FIS1: variants seen among roughly 807,000 people sequenced by gnomAD.
FIS1 encodes mitochondrial fission 1 protein.
A neutral mutation model predicts 21.6 loss-of-function variants in FIS1; 16 were observed. The observed-to-expected ratio is 0.74, with a 90% CI of 0.50 to 1.12. The LOEUF is 1.12. FIS1 is among the 50% of genes most tolerant of loss of function. The pLI, the probability that FIS1 is intolerant of heterozygous loss-of-function variation, is 0.00. For missense variants in FIS1, 198 were observed against 190.9 expected, an observed-to-expected ratio of 1.04 and a Z score of -0.22; for synonymous variants, 92 against 82.2, an observed-to-expected ratio of 1.12 and a Z score of -0.65.
chr7:101,244,179 G>C, intron 1 of FIS1, 40 bp from the exon 2 acceptor site: 1 of 1,597,720 alleles, frequency 6.3e-7, no homozygotes. Flanking sequence ...GAAATGTAGG[G>C]CGTCAACCAT....
intron 1 of FIS1, 176 bp downstream of exon 1, chr7:101,244,784 C>T: frequency 1.4e-6 from 1 of 707,940 alleles, no homozygotes; most frequent in Non-Finnish European, 2.4e-6. Context: ...TCCCAGGAGC[C>T]TCTGCGGCAT....
Position 101,239,588 on chromosome 7 carries a change from C to T in FIS1, c.*218G>A. 1 of 620,942 alleles carries T rather than the reference C, an allele frequency of 1.6e-6. No homozygotes were observed. Among genetic ancestry groups the T allele is most frequent in the Non-Finnish European group, 3.0e-6 (1 of 337,188 alleles). The allele number at this position is 620,942 out of a possible 1,614,324, so 38.5% of individuals were successfully genotyped here. ...TGTGCCCAGCGTTCAGAACCCACCC[C>T]TCCCCTCAACGCAGACACGGGGGTT... is the stretch of plus-strand genomic sequence containing the variant. On this transcript the variant is annotated 3_prime_UTR_variant, in exon 5 of 5. Coordinates refer to ENST00000223136, the MANE Select transcript of FIS1 (RefSeq NM_016068.3).
At chr7:101,240,282 C>T (rs199691849) in intron 3 of FIS1, 35 bp from the exon 4 acceptor site, 43 of 1,596,308 alleles carry the variant, frequency 2.7e-5, no homozygotes, top group Non-Finnish European at 3.6e-5. Context: ...GTCATACACA[C>T]CGCAGTGTTT....
intron 1 of FIS1, chr7:101,244,730 C>T (rs1798791375): frequency 1.7e-6 from 1 of 582,872 alleles, no homozygotes; most frequent in African/African-American, 1.9e-5. Flanking sequence ...CGGTCGGGCT[C>T]CAGGCCCGTA....
At chr7:101,243,966 A>G in intron 2 of FIS1, 41 bp downstream of exon 2, 1 of 1,582,008 alleles carries the variant, frequency 6.3e-7, no homozygotes, top group Non-Finnish European at 8.6e-7. Flanking sequence ...ATCGCAGAGC[A>G]GCCCAGATGG....
intron 2 of FIS1, among the ~76,000 whole-genome samples, chr7:101,243,569 C>T (rs6964812): frequency 0.066 from 10,084 of 152,110 alleles, 384 homozygotes; most frequent in African/African-American, 0.11. Flanking sequence ...AGCAAGACTC[C>T]GTCTCAAACA....
Position 101,240,895 on chromosome 7 carries a change from T to C in FIS1, c.190A>G (p.Lys64Glu). The C allele has an allele frequency of 9.9e-6, 16 of 1,614,140 alleles. No individual in the cohort carries two copies. The highest frequency in any genetic ancestry group is 1.3e-5 in the Non-Finnish European group (15 of 1,180,034). The change falls in exon 3 of 5, where the codon AAA (lysine) becomes GAA (glutamate). Residue 64 changes from lysine (K) to glutamate (E), a missense_variant. Physicochemically the swap from Lys to Glu is moderately conservative, Grantham distance 56 (BLOSUM62 1). Coordinates refer to ENST00000223136, the MANE Select transcript of FIS1 (RefSeq NM_016068.3). ...TCCCGCTGTTCCTCCTTGCTCCCTT[T>C]GGGCAGCAGCTCTGGGGAGGGGCAG... The part of the protein sequence containing the change: ...GIVLLEELLP[K>E]GSKEEQRDYV...
Position 101,239,599 on chromosome 7 carries a change from G to A in FIS1, c.*207C>T, listed in dbSNP as rs1798704764. The stretch of plus-strand genomic sequence containing the variant: ...TTCAGAACCCACCCCTCCCCTCAAC[G>A]CAGACACGGGGGTTCCCAAGCCACA... On this transcript the variant is annotated 3_prime_UTR_variant, in exon 5 of 5. Coordinates refer to ENST00000223136, the MANE Select transcript of FIS1 (RefSeq NM_016068.3). 5.0e-6 allele frequency: 3 copies of A among 603,658 alleles called. No homozygotes were observed. Among genetic ancestry groups the A allele is most frequent in the East Asian group, 3.0e-5 (1 of 32,840 alleles). The allele number at this position is 603,658 out of a possible 1,614,324, so 37.4% of individuals were successfully genotyped here.
chr7:101,242,106 A>G, intron 2 of FIS1, among the ~76,000 whole-genome samples: 1 of 152,116 alleles, frequency 6.6e-6, no homozygotes, highest in South Asian at 2.1e-4. Context: ...TGCCTGGCTA[A>G]TTTAAACATC....
At chr7:101,240,318 A>G in intron 3 of FIS1, 71 bp from the exon 4 acceptor site, 4 of 1,506,772 alleles carry the variant, frequency 2.7e-6, no homozygotes, top group Non-Finnish European at 3.7e-6. Flanking sequence ...TTTTAATAAG[A>G]GACGGGGTCT....
Position 101,240,264 on chromosome 7 carries a change from G to A in FIS1, c.256-17C>T, listed in dbSNP as rs752088276. On this transcript the variant is annotated splice_polypyrimidine_tract_variant and intron_variant, in intron 3 of 4. Coordinates refer to ENST00000223136, the MANE Select transcript of FIS1 (RefSeq NM_016068.3). Reference sequence around the variant, plus strand: ...CTCGTATTCCTGCGCTCGGGGAAACGCGCACGCGTCATACACACCGCAGTG... The same window carrying A: ...CTCGTATTCCTGCGCTCGGGGAAACACGCACGCGTCATACACACCGCAGTG... 1.9e-6 allele frequency: 3 copies of A among 1,612,162 alleles called. No homozygotes were observed. Among genetic ancestry groups the A allele is most frequent in the Admixed American group, 3.3e-5 (2 of 60,012 alleles).
At chr7:101,242,434 C>T (rs2116849915) in intron 2 of FIS1, among the ~76,000 whole-genome samples, 1 of 151,342 alleles carries the variant, frequency 6.6e-6, no homozygotes, top group South Asian at 2.1e-4. Flanking sequence ...CCGAAGTAGA[C>T]AAACATAGGG....
At chr7:101,244,803 C>T (rs897216180) in intron 1 of FIS1, 157 bp downstream of exon 1, 3 of 844,310 alleles carry the variant, frequency 3.6e-6, no homozygotes, top group Non-Finnish European at 5.7e-6. Flanking sequence ...ATAGCAGGCC[C>T]TCCGGGCAGG....
At chr7:101,240,096 A>T in intron 4 of FIS1, 46 bp downstream of exon 4, 1 of 1,593,258 alleles carries the variant, frequency 6.3e-7, no homozygotes, top group South Asian at 1.1e-5. Flanking sequence ...CAAAGTGCCC[A>T]GGCGTGGGGA....
chr7:101,241,936 G>A (rs1163501843), intron 2 of FIS1, among the ~76,000 whole-genome samples: 2 of 150,940 alleles, frequency 1.3e-5, no homozygotes, highest in African/African-American at 2.4e-5. Context: ...ACTCAGTCTC[G>A]GGAAAAAAAA....
At position 101,239,906 on chromosome 7, in the gene FIS1, G is replaced by A; in HGVS notation, c.362-3C>T. 6.2e-7 allele frequency: 1 copy of A among 1,600,102 alleles called. No homozygotes were observed. The highest frequency in any genetic ancestry group is 8.5e-7 in the Non-Finnish European group (1 of 1,173,084). ...GATGGCCATGCCCACGAGTCCATCT[G>A]GGGAAGGAAAGGGACAGTGTCAGGA... On this transcript the variant is annotated splice_region_variant and splice_polypyrimidine_tract_variant and intron_variant, in intron 4 of 4. Coordinates refer to ENST00000223136, the MANE Select transcript of FIS1 (RefSeq NM_016068.3).
chr7:101,240,817 G>C lies in FIS1; in HGVS notation c.255+13C>G, dbSNP rs1208441114. On this transcript the variant is annotated intron_variant, in intron 3 of 4. Transcript: ENST00000223136. Reference sequence around the variant, plus strand: ...CCCAGAGGAGGGTGAAGGGAACGGGGTCCCCACCTCACCTTGAGCCGGTAG... The same window carrying C: ...CCCAGAGGAGGGTGAAGGGAACGGGCTCCCCACCTCACCTTGAGCCGGTAG... 2.4e-5 allele frequency: 39 copies of C among 1,613,192 alleles called. No individual in the cohort carries two copies. Among genetic ancestry groups the C allele is most frequent in the Non-Finnish European group, 3.3e-5 (39 of 1,179,772 alleles).
At chr7:101,244,747 G>C (rs1344462442) in intron 1 of FIS1, 1 of 596,282 alleles carries the variant, frequency 1.7e-6, no homozygotes, top group East Asian at 2.8e-5. Context: ...CGTAGTCTGA[G>C]GTGTGGGGGG....
In FIS1 at chr7:101,239,768, C is replaced by G. The variant is rs748524380; in HGVS notation, c.*38G>C. On this transcript the variant is annotated 3_prime_UTR_variant, in exon 5 of 5. Coordinates refer to ENST00000223136, the MANE Select transcript of FIS1 (RefSeq NM_016068.3). ...GGAAAGGACAGCGAGGATGGACAGG[C>G]CCTCCTGGAGCGTTCTCCGTGGGCT... 44 of 1,496,108 alleles carry G rather than the reference C, an allele frequency of 2.9e-5. No homozygotes were observed. The highest frequency in any genetic ancestry group is 3.9e-5 in the Non-Finnish European group (43 of 1,094,366). 92.7% of individuals were successfully genotyped at this position (1,496,108 alleles called of 1,614,324 possible).
Sources: allele counts gnomAD v4.1 joint callset (sites outside exome capture counted in the v4.1 genomes callset), GRCh38; gene constraint gnomAD v4.1.1; transcripts MANE v1.5; gene names NCBI Gene and HGNC (gene_info 2026-07-23, HGNC 2026-07-21).